Variants in CDH13 observed in about 807,000 individuals in gnomAD.
The protein encoded by CDH13 is cadherin 13, also known as cadherin-13.
CDH13 carries 24 observed loss-of-function variants against 63.8 expected under a neutral mutation model. The ratio of observed to expected loss-of-function variants is 0.38; its 90% CI spans 0.27 to 0.53. The LOEUF (loss-of-function observed/expected upper bound fraction) is 0.53. CDH13 is among the 20% of genes least tolerant of loss of function. CDH13 has a pLI of 0.85. For synonymous variants in CDH13, 503 were observed against 355.3 expected, an observed-to-expected ratio of 1.42 and a Z score of -4.67; for missense variants, 1,049 against 903.1, an observed-to-expected ratio of 1.16 and a Z score of -2.07.
At chr16:83,248,639 G>C (rs1905198520) in intron 5 of CDH13, among the ~76,000 whole-genome samples, 1 of 152,086 alleles carries the variant, frequency 6.6e-6, no homozygotes, top group South Asian at 2.1e-4. Context: ...TTCCCCTAAA[G>C]GTGTAAAGTT....
intron 2 of CDH13, among the ~76,000 whole-genome samples, chr16:82,872,630 C>A (rs562891527): frequency 9.2e-5 from 14 of 152,260 alleles, no homozygotes; most frequent in Admixed American, 2.0e-4. Flanking sequence ...TCTATTTGTT[C>A]TTTTCACCTT....
At chr16:83,466,646 G>A (rs1873142) in intron 6 of CDH13, among the ~76,000 whole-genome samples, 1 of 152,118 alleles carries the variant, frequency 6.6e-6, no homozygotes, top group African/African-American at 2.4e-5. Context: ...GAAACGGAGT[G>A]GGGGGCTCAG....
At position 83,644,708 on chromosome 16, in the gene CDH13, C is replaced by A. The variant is rs12102639; in HGVS notation, c.1102-26082C>A. Among the ~76,000 whole-genome samples the A allele has an allele frequency of 4.4e-3, 677 of 152,288 alleles. 4 individuals are homozygous for A. The highest frequency in any genetic ancestry group is 0.016 in the African/African-American group (646 of 41,544). Reference sequence around the variant, plus strand: ...ACGCATCTGGTACTCAAGCGCAGAGCAGAGGTGGAATTCTAGGCCTGTGAA... The same window carrying A: ...ACGCATCTGGTACTCAAGCGCAGAGAAGAGGTGGAATTCTAGGCCTGTGAA... On this transcript the variant is annotated intron_variant, in intron 8 of 13. Coordinates refer to ENST00000567109, the MANE Select transcript of CDH13 (RefSeq NM_001257.5).
chr16:83,579,404 C>T (rs1394104279), intron 7 of CDH13, among the ~76,000 whole-genome samples: 1 of 152,110 alleles, frequency 6.6e-6, no homozygotes, highest in African/African-American at 2.4e-5. Flanking sequence ...AGGGAGGCCT[C>T]AGGAAACTTA....
At position 82,698,959 on chromosome 16, in the gene CDH13, CA is replaced by C. The variant is rs2030665982; in HGVS notation, c.45+71823del. Among the ~76,000 whole-genome samples, 7 of 151,930 alleles carry C rather than the reference CA, an allele frequency of 4.6e-5. No individual in the cohort carries two copies. The South Asian group carries it at 1.5e-3, about 32-fold the overall frequency. On this transcript the variant is annotated intron_variant, in intron 1 of 13. Transcript: ENST00000567109. ...ATAATCCTTTAAAAATGTAAAAAAA[CA>C]GAGATATTCTTAGCTTCCAGGCTGT...
At chr16:83,541,988 T>A (rs2075304135) in intron 7 of CDH13, among the ~76,000 whole-genome samples, 1 of 152,204 alleles carries the variant, frequency 6.6e-6, no homozygotes, top group South Asian at 2.1e-4. Context: ...ATACTAGCTA[T>A]TATTGCTATT....
intron 5 of CDH13, among the ~76,000 whole-genome samples, chr16:83,240,282 G>T (rs1315104483): frequency 6.6e-6 from 1 of 152,042 alleles, no homozygotes; most frequent in Admixed American, 6.6e-5. Context: ...CCTGGGAGGG[G>T]GTGGATCACT....
At chr16:82,759,302 T>C (rs979175475) in intron 1 of CDH13, among the ~76,000 whole-genome samples, 1 of 152,198 alleles carries the variant, frequency 6.6e-6, no homozygotes, top group East Asian at 1.9e-4. Context: ...AAATATATTC[T>C]CTGCTCCAAA....
intron 1 of CDH13, among the ~76,000 whole-genome samples, chr16:82,751,191 C>A (rs1457302918): frequency 6.6e-6 from 1 of 152,178 alleles, no homozygotes; most frequent in Non-Finnish European, 1.5e-5. Flanking sequence ...GGGAAGCTTA[C>A]AGAGAAGGGC....
intron 1 of CDH13, among the ~76,000 whole-genome samples, chr16:82,812,475 G>A (rs2037497247): frequency 1.3e-5 from 2 of 152,114 alleles, no homozygotes; most frequent in Admixed American, 1.3e-4. Context: ...AAAGATAGGA[G>A]AAAAGCCAGG....
intron 5 of CDH13, among the ~76,000 whole-genome samples, chr16:83,330,142 A>G (rs1293291473): frequency 6.6e-6 from 1 of 152,202 alleles, no homozygotes; most frequent in Non-Finnish European, 1.5e-5. Flanking sequence ...GTGGTGGTGG[A>G]TACAAGAACC....
intron 3 of CDH13, among the ~76,000 whole-genome samples, chr16:83,087,501 CT>C (rs2033663676): frequency 6.6e-6 from 1 of 151,854 alleles, no homozygotes; most frequent in African/African-American, 2.4e-5. Context: ...AACCCTGTGT[CT>C]ACTAAAAATA....
intron 3 of CDH13, among the ~76,000 whole-genome samples, chr16:83,086,764 A>C (rs891143411): frequency 6.6e-6 from 1 of 152,218 alleles, no homozygotes; most frequent in Non-Finnish European, 1.5e-5. Flanking sequence ...CACACAAAAT[A>C]AAACAAGCAA....
chr16:83,076,366 G>C (rs1377228373), intron 3 of CDH13, among the ~76,000 whole-genome samples: 1 of 152,156 alleles, frequency 6.6e-6, no homozygotes, highest in Admixed American at 6.5e-5. Flanking sequence ...TATTCATTCA[G>C]AGCTTGTTGC....
At chr16:83,558,310 A>G (rs935986992) in intron 7 of CDH13, among the ~76,000 whole-genome samples, 2 of 152,198 alleles carry the variant, frequency 1.3e-5, no homozygotes, top group African/African-American at 4.8e-5. Flanking sequence ...TGATGTTTTT[A>G]AAGAGTCTTC....
intron 11 of CDH13, among the ~76,000 whole-genome samples, chr16:83,774,905 T>G (rs550436074): frequency 6.6e-6 from 1 of 152,124 alleles, no homozygotes; most frequent in South Asian, 2.1e-4. Context: ...ACCACTGAAC[T>G]GTACACTTCA....
intron 6 of CDH13, among the ~76,000 whole-genome samples, chr16:83,394,770 G>T (rs1000848868): frequency 2.0e-5 from 3 of 152,146 alleles, no homozygotes; most frequent in Non-Finnish European, 4.4e-5. Context: ...GCAATGGAGG[G>T]ATGAGAAATG....
At chr16:82,994,291 C>T (rs1031389902) in intron 2 of CDH13, among the ~76,000 whole-genome samples, 4 of 152,178 alleles carry the variant, frequency 2.6e-5, no homozygotes, top group African/African-American at 9.7e-5. Context: ...TCTCTAACTC[C>T]TCCTCATCCT....
intron 8 of CDH13, among the ~76,000 whole-genome samples, chr16:83,633,390 C>A (rs925041823): frequency 6.6e-6 from 1 of 152,150 alleles, no homozygotes; most frequent in Non-Finnish European, 1.5e-5. Flanking sequence ...TTGACCTCAC[C>A]GTAGAAGAGC....
Sources: gnomAD v4.1 joint callset for allele counts (sites outside exome capture counted in the v4.1 genomes callset) on GRCh38, gnomAD v4.1.1 for gene constraint, MANE v1.5 for transcripts, NCBI Gene and HGNC (gene_info 2026-07-23, HGNC 2026-07-21) for gene names.